The following LOC122539214 variants were observed in gnomAD, a reference collection of about 807,000 sequenced individuals.
the LOC122539214 span, among the ~76,000 whole-genome samples, chr19:52,656,864 CAAAAAAAAAAAAAA>C: frequency 0.6 from 81,877 of 137,214 alleles, 23,071 homozygotes; most frequent in East Asian, 0.75. Flanking sequence ...GACTCCGTCT[CAAAAAAAAAAAAAA>C]AAAAAAAATC....
chr19:52,675,235 G>GCCCA, the LOC122539214 span, among the ~76,000 whole-genome samples: 1 of 152,140 alleles, frequency 6.6e-6, no homozygotes, highest in Non-Finnish European at 1.5e-5. Flanking sequence ...AGGACACCAG[G>GCCCA]CCCACAGTGT....
At chr19:52,678,147 T>C in the LOC122539214 span, among the ~76,000 whole-genome samples, 123 of 151,952 alleles carry the variant, frequency 8.1e-4, no homozygotes, top group African/African-American at 2.8e-3. Flanking sequence ...ACTAAAATGG[T>C]TGCATATGAA....
At chr19:52,674,265 A>G in the LOC122539214 span, 1 of 152,206 alleles carries the variant, frequency 6.6e-6, no homozygotes, top group Admixed American at 6.5e-5. Flanking sequence ...TAAACAAAAT[A>G]AAGAAGGAAA....
the LOC122539214 span, among the ~76,000 whole-genome samples, chr19:52,687,587 TATATATATA>T: frequency 1.0e-3 from 46 of 45,346 alleles, no homozygotes; most frequent in African/African-American, 2.4e-3. Flanking sequence ...TTTATATATA[TATATATATA>T]ATGTATATAT....
chr19:52,667,203 G>A, the LOC122539214 span, among the ~76,000 whole-genome samples: 417 of 144,510 alleles, frequency 2.9e-3, 3 homozygotes, highest in Non-Finnish European at 4.1e-3. Context: ...TTCACTTTGG[G>A]AAAGAATGGT....
chr19:52,664,112 G>A, the LOC122539214 span, among the ~76,000 whole-genome samples: 7 of 151,700 alleles, frequency 4.6e-5, no homozygotes, highest in Admixed American at 6.6e-5. Flanking sequence ...TCGAACTCCT[G>A]AAATTAGGTG....
At chr19:52,657,992 C>T in the LOC122539214 span, among the ~76,000 whole-genome samples, 2 of 151,784 alleles carry the variant, frequency 1.3e-5, no homozygotes, top group African/African-American at 2.4e-5. Flanking sequence ...CAAAATTAGC[C>T]GGGTATGGTG....
the LOC122539214 span, chr19:52,655,271 A>G: frequency 3.1e-6 from 1 of 320,674 alleles, no homozygotes; most frequent in Non-Finnish European, 5.6e-6. Context: ...CTCCTGGGCC[A>G]CCCTGACAAT....
At chr19:52,673,629 C>T in the LOC122539214 span, among the ~76,000 whole-genome samples, 8 of 152,106 alleles carry the variant, frequency 5.3e-5, no homozygotes, top group African/African-American at 1.7e-4. Flanking sequence ...GAGCCAATAA[C>T]GATGCAAATA....
At chr19:52,668,347 C>A in the LOC122539214 span, among the ~76,000 whole-genome samples, 14 of 152,186 alleles carry the variant, frequency 9.2e-5, no homozygotes, top group Non-Finnish European at 1.3e-4. Flanking sequence ...GTTCCTGGAT[C>A]AAGCCCTACC....
chr19:52,667,776 T>A, the LOC122539214 span, among the ~76,000 whole-genome samples: 1 of 152,178 alleles, frequency 6.6e-6, no homozygotes, highest in African/African-American at 2.4e-5. Context: ...TTAAAGAGTC[T>A]ATAAAAATCT....
the LOC122539214 span, among the ~76,000 whole-genome samples, chr19:52,677,322 A>C: frequency 3.4e-5 from 5 of 148,036 alleles, no homozygotes; most frequent in South Asian, 2.1e-4. Context: ...AAAAAAAAAA[A>C]AAAAAAAACA....
the LOC122539214 span, chr19:52,652,964 A>G: frequency 7.7e-7 from 1 of 1,296,938 alleles, no homozygotes; most frequent in Non-Finnish European, 1.1e-6. Flanking sequence ...GTCTTGCCAC[A>G]CTCATTACAC....
chr19:52,671,940 G>T, the LOC122539214 span, among the ~76,000 whole-genome samples: 1 of 152,094 alleles, frequency 6.6e-6, no homozygotes, highest in South Asian at 2.1e-4. Flanking sequence ...ATATAACTAA[G>T]TTATAAAATT....
chr19:52,655,347 G>A, the LOC122539214 span: 4 of 456,028 alleles, frequency 8.8e-6, no homozygotes, highest in East Asian at 1.6e-4. Flanking sequence ...ATTAGTCAAA[G>A]TGTTCATGAA....
the LOC122539214 span, among the ~76,000 whole-genome samples, chr19:52,666,056 T>A: frequency 6.7e-6 from 1 of 148,540 alleles, no homozygotes; most frequent in Admixed American, 6.7e-5. Flanking sequence ...CCCAGCTACT[T>A]GGAAGGGTGA....
the LOC122539214 span, among the ~76,000 whole-genome samples, chr19:52,685,123 C>T: frequency 6.6e-6 from 1 of 152,138 alleles, no homozygotes; most frequent in African/African-American, 2.4e-5. Context: ...TACAACTGGG[C>T]ACTCCCCTCT....
the LOC122539214 span, among the ~76,000 whole-genome samples, chr19:52,690,207 A>G: frequency 6.6e-6 from 1 of 150,908 alleles, no homozygotes. Flanking sequence ...AACAACAACA[A>G]CTACGCGATA....
chr19:52,688,971 A>G, the LOC122539214 span, among the ~76,000 whole-genome samples: 89,652 of 143,010 alleles, frequency 0.63, 28,482 homozygotes, highest in African/African-American at 0.72. Context: ...AAAAAAAAAA[A>G]AGAGAGAGAT....
Sources: allele counts gnomAD v4.1 joint callset (sites outside exome capture counted in the v4.1 genomes callset), GRCh38; gene constraint gnomAD v4.1.1; transcripts MANE v1.5.